KCNH1: variants seen among roughly 807,000 people sequenced by gnomAD.
The protein encoded by KCNH1 is potassium voltage-gated channel subfamily H member 1.
KCNH1 carries 27 observed loss-of-function variants against 69.2 expected under a neutral mutation model. That is an observed-to-expected ratio of 0.39 (90% CI 0.29 to 0.54). KCNH1 has a LOEUF of 0.54. Ranked by LOEUF, KCNH1 falls within the 20% of genes least tolerant of loss-of-function variation. KCNH1 has a pLI of 0.68. For missense variants in KCNH1, 798 were observed against 1,261.6 expected (o/e 0.63, Z 5.57); for synonymous variants, 456 against 487.7 (o/e 0.93, Z 0.86).
At chr1:211,002,127 G>A (rs575494218) in intron 6 of KCNH1, among the ~76,000 whole-genome samples, 6 of 151,848 alleles carry the variant, frequency 4.0e-5, no homozygotes, top group Non-Finnish European at 5.9e-5. Context: ...AAACCTGCAC[G>A]TTGTGCACAT....
intron 6 of KCNH1, among the ~76,000 whole-genome samples, chr1:210,976,457 G>A (rs1688612458): frequency 6.7e-6 from 1 of 148,226 alleles, no homozygotes; most frequent in Admixed American, 7.0e-5. Flanking sequence ...GAAACAACAG[G>A]TGCTGGAGAG....
chr1:210,853,946 C>CAAAAAAAAAAAAAA lies in KCNH1; in HGVS notation c.1463-49794_1463-49781dup, dbSNP rs11445997. On this transcript the variant is annotated intron_variant, in intron 7 of 10. Coordinates refer to ENST00000271751, the MANE Select transcript of KCNH1 (RefSeq NM_172362.3). The stretch of plus-strand genomic sequence containing the variant: ...TAGCAGTAAAAGCATTTATCTAAGC[C>CAAAAAAAAAAAAAA]AAAAAAAAAAAAAAAAAAAAAAGAA... 3.7e-3 allele frequency among the ~76,000 whole-genome samples: 228 copies of CAAAAAAAAAAAAAA among 61,458 alleles called. 16 individuals carry two copies. Among genetic ancestry groups the CAAAAAAAAAAAAAA allele is most frequent in the African/African-American group, 6.7e-3 (90 of 13,450 alleles). 40.3% of individuals were successfully genotyped at this position (61,458 alleles called of 152,430 possible).
At chr1:210,779,185 TGTAGG>T (rs1430384170) in intron 9 of KCNH1, among the ~76,000 whole-genome samples, 1 of 152,226 alleles carries the variant, frequency 6.6e-6, no homozygotes, top group East Asian at 1.9e-4. Context: ...ATGATTAATC[TGTAGG>T]GTCTAAGAGT....
intron 7 of KCNH1, among the ~76,000 whole-genome samples, chr1:210,824,130 C>G: frequency 7.1e-6 from 1 of 141,582 alleles, no homozygotes; most frequent in African/African-American, 2.6e-5. Flanking sequence ...ACCTTTGTTC[C>G]CAGGATGTCC....
At chr1:211,108,487 C>T (rs558842155) in intron 1 of KCNH1, 2 of 152,216 alleles carry the variant, frequency 1.3e-5, no homozygotes, top group African/African-American at 4.8e-5. Flanking sequence ...ACAGTTTTTT[C>T]ACAATATGGG....
intron 1 of KCNH1, among the ~76,000 whole-genome samples, chr1:211,110,773 A>G (rs1351068203): frequency 6.6e-6 from 1 of 151,182 alleles, no homozygotes; most frequent in South Asian, 2.1e-4. Context: ...AGAGAGTAAT[A>G]TAATTATATT....
intron 10 of KCNH1, among the ~76,000 whole-genome samples, chr1:210,690,013 C>G (rs1310388079): frequency 1.3e-5 from 2 of 152,192 alleles, no homozygotes; most frequent in African/African-American, 4.8e-5. Flanking sequence ...CCACACACAC[C>G]AGCTTCCTGT....
intron 6 of KCNH1, among the ~76,000 whole-genome samples, chr1:210,948,899 T>C (rs1450094015): frequency 6.6e-6 from 1 of 152,076 alleles, no homozygotes; most frequent in East Asian, 1.9e-4. Context: ...AACAAAACTT[T>C]ATTTATGGAT....
At chr1:210,818,756 G>T (rs1274825595) in intron 7 of KCNH1, among the ~76,000 whole-genome samples, 2 of 152,100 alleles carry the variant, frequency 1.3e-5, no homozygotes, top group Non-Finnish European at 2.9e-5. Flanking sequence ...CTCATATGTG[G>T]TAACCAACAA....
At chr1:210,813,559 A>C (rs1684753064) in intron 7 of KCNH1, among the ~76,000 whole-genome samples, 1 of 152,214 alleles carries the variant, frequency 6.6e-6, no homozygotes, top group South Asian at 2.1e-4. Flanking sequence ...AATTTTGTTA[A>C]TGTAGTTTTT....
At chr1:210,968,165 A>G (rs1266107191) in intron 6 of KCNH1, among the ~76,000 whole-genome samples, 2 of 145,258 alleles carry the variant, frequency 1.4e-5, no homozygotes, top group African/African-American at 2.6e-5. Flanking sequence ...ATGATTTCCA[A>G]TTTCATCCAT....
chr1:210,964,003 C>T (rs955571478), intron 6 of KCNH1, among the ~76,000 whole-genome samples: 7 of 152,010 alleles, frequency 4.6e-5, no homozygotes, highest in African/African-American at 1.7e-4. Context: ...GATTCACCAA[C>T]GTTGAAATGA....
At chr1:211,080,183 CAGAG>C (rs1241669856) in intron 5 of KCNH1, among the ~76,000 whole-genome samples, 3 of 152,174 alleles carry the variant, frequency 2.0e-5, no homozygotes, top group South Asian at 2.1e-4. Flanking sequence ...AATAGACAAA[CAGAG>C]AGCCAAATCA....
chr1:210,718,246 G>T (rs558074347), intron 10 of KCNH1, among the ~76,000 whole-genome samples: 1 of 100,168 alleles, frequency 1.0e-5, no homozygotes. Context: ...AAAGTACTAA[G>T]TCTTCTATAA....
intron 1 of KCNH1, among the ~76,000 whole-genome samples, chr1:211,119,314 C>T (rs1019177242): frequency 6.6e-6 from 1 of 151,982 alleles, no homozygotes; most frequent in Non-Finnish European, 1.5e-5. Context: ...GAGCCAAGAT[C>T]GTGCCACCAC....
At chr1:210,860,171 T>C (rs1434620352) in intron 7 of KCNH1, 1 of 1,171,616 alleles carries the variant, frequency 8.5e-7, no homozygotes. Context: ...AGTGTCTTGG[T>C]ATCAACTGTT....
At chr1:210,962,514 C>G (rs764022088) in intron 6 of KCNH1, among the ~76,000 whole-genome samples, 1 of 151,866 alleles carries the variant, frequency 6.6e-6, no homozygotes, top group African/African-American at 2.4e-5. Flanking sequence ...TATGCAATCC[C>G]CTGGGTTTTA....
chr1:211,062,463 T>C (rs1690448554), intron 5 of KCNH1, among the ~76,000 whole-genome samples: 1 of 152,010 alleles, frequency 6.6e-6, no homozygotes, highest in Admixed American at 6.6e-5. Context: ...AATGGACAAA[T>C]AGCATCATAT....
intron 7 of KCNH1, among the ~76,000 whole-genome samples, chr1:210,896,234 G>A (rs1035795434): frequency 6.6e-6 from 1 of 152,004 alleles, no homozygotes; most frequent in Non-Finnish European, 1.5e-5. Flanking sequence ...CTAAGACCTT[G>A]ACCTGAACCA....
Sources: allele counts gnomAD v4.1 joint callset (sites outside exome capture counted in the v4.1 genomes callset), GRCh38; gene constraint gnomAD v4.1.1; transcripts MANE v1.5; gene names NCBI Gene and HGNC (gene_info 2026-07-23, HGNC 2026-07-21).